The following TYW3 variants were observed in gnomAD, a reference collection of about 807,000 sequenced individuals.
TYW3 encodes tRNA-yW synthesizing protein 3 homolog, also known as tRNA wybutosine-synthesizing protein 3 homolog.
A neutral mutation model predicts 23.1 loss-of-function variants in TYW3; 26 were observed. That is an observed-to-expected ratio of 1.13 (90% confidence interval 0.83 to 1.56). The LOEUF is 1.56. Ranked by LOEUF, TYW3 falls within the 40% of genes most tolerant of loss-of-function variation. The pLI is 0.00. For missense variants in TYW3, 316 were observed against 311.9 expected (o/e 1.01, Z -0.10); for synonymous variants, 102 against 105.7 (o/e 0.97, Z 0.21).
intron 3 of TYW3, among the ~76,000 whole-genome samples, chr1:74,742,336 C>A (rs1045879212): frequency 1.3e-5 from 2 of 152,198 alleles, no homozygotes; most frequent in Admixed American, 6.5e-5. Context: ...TTTCAATACC[C>A]ATGTGAACAG....
At chr1:74,747,578 T>A (rs1195915174) in intron 3 of TYW3, among the ~76,000 whole-genome samples, 21 of 144,794 alleles carry the variant, frequency 1.5e-4, no homozygotes, top group South Asian at 2.2e-4. Context: ...CGGAGCTTGC[T>A]GTGAGCCGAG....
At chr1:74,758,086 TGA>T (rs1387884178) in intron 5 of TYW3, among the ~76,000 whole-genome samples, 4 of 152,250 alleles carry the variant, frequency 2.6e-5, no homozygotes, top group Admixed American at 1.3e-4. Flanking sequence ...ACCTAGAAGA[TGA>T]GAGAGTAAGA....
At chr1:74,734,780 G>A (rs1318962886) in intron 1 of TYW3, among the ~76,000 whole-genome samples, 1 of 152,168 alleles carries the variant, frequency 6.6e-6, no homozygotes, top group Non-Finnish European at 1.5e-5. Context: ...CTGCTTTATA[G>A]GGATTTTGTG....
At chr1:74,752,808 AC>A (rs1231896507) in intron 5 of TYW3, among the ~76,000 whole-genome samples, 1 of 152,192 alleles carries the variant, frequency 6.6e-6, no homozygotes, top group African/African-American at 2.4e-5. Flanking sequence ...ATCAGAGATT[AC>A]CTAGTCTTTC....
At position 74,733,353 on chromosome 1, in the gene TYW3, C is replaced by G. The variant is rs1293184467; in HGVS notation, c.109C>G (p.Leu37Val). The G allele has an allele frequency of 1.9e-6, 3 of 1,614,226 alleles. No homozygotes were observed. The highest frequency in any genetic ancestry group is 2.5e-6 in the Non-Finnish European group (3 of 1,180,044). Residue 37 changes from leucine (L) to valine (V), a missense_variant, in exon 1 of 6, where the codon CTG (leucine) becomes GTG (valine). Transcript: ENST00000370867. Reference protein sequence around the residue: ...DEDVVELVQFLNMRDQFFTTS... With the variant: ...DEDVVELVQFVNMRDQFFTTS... ...GGATGTGGTAGAGCTTGTGCAGTTT[C>G]TGAACATGCGAGATCAGTTTTTCAC...
chr1:74,765,591 A>G lies in TYW3; in HGVS notation c.*1478A>G, dbSNP rs891251156. The G allele has an allele frequency of 6.6e-6, 1 of 152,122 alleles. No homozygotes were observed. The highest frequency in any genetic ancestry group is 2.4e-5 in the African/African-American group (1 of 41,436). The allele number at this position is 152,122 out of a possible 1,614,324, so 9.4% of individuals were successfully genotyped here. On this transcript the variant is annotated 3_prime_UTR_variant, in exon 6 of 6. Coordinates refer to ENST00000370867, the MANE Select transcript of TYW3 (RefSeq NM_138467.3). ...TCTAGTCTGGTGGACAGAATATGAA[A>G]GTATCTGCCTGGCAGTGCAGTAAAT...
chr1:74,754,493 G>T (rs765589700), intron 5 of TYW3, among the ~76,000 whole-genome samples: 25 of 152,102 alleles, frequency 1.6e-4, no homozygotes, highest in Admixed American at 3.3e-4. Context: ...TCAACCAAAT[G>T]CAGTGAAAGA....
At chr1:74,747,793 GTACA>G (rs1648627875) in intron 3 of TYW3, among the ~76,000 whole-genome samples, 1 of 150,390 alleles carries the variant, frequency 6.6e-6, no homozygotes, top group African/African-American at 2.4e-5. Flanking sequence ...ATACACATGT[GTACA>G]TATATATGTG....
intron 5 of TYW3, among the ~76,000 whole-genome samples, chr1:74,763,418 T>C (rs1432872649): frequency 6.6e-6 from 1 of 152,150 alleles, no homozygotes; most frequent in Non-Finnish European, 1.5e-5. Flanking sequence ...ATGTAAAACT[T>C]TATATGTAAT....
At chr1:74,757,891 T>A (rs535922369) in intron 5 of TYW3, among the ~76,000 whole-genome samples, 1 of 152,320 alleles carries the variant, frequency 6.6e-6, no homozygotes, top group South Asian at 2.1e-4. Flanking sequence ...TCTTGTCTGC[T>A]GCCATGTGAG....
intron 5 of TYW3, among the ~76,000 whole-genome samples, chr1:74,760,016 T>C (rs971275687): frequency 6.6e-6 from 1 of 152,232 alleles, no homozygotes; most frequent in Non-Finnish European, 1.5e-5. Context: ...ATTCATAACA[T>C]AAGCAGTTGA....
At chr1:74,747,494 G>A (rs1033674015) in intron 3 of TYW3, among the ~76,000 whole-genome samples, 35 of 151,046 alleles carry the variant, frequency 2.3e-4, no homozygotes, top group East Asian at 2.0e-3. Flanking sequence ...AAAATTAGCT[G>A]GGCGTAGTGG....
chr1:74,748,641 A>T lies in TYW3; in HGVS notation c.355-110A>T, dbSNP rs181913949. On this transcript the variant is annotated intron_variant, in intron 3 of 5. Coordinates refer to ENST00000370867, the MANE Select transcript of TYW3 (RefSeq NM_138467.3). ...TATTGGCTAGACGAAAAATTTTTTT[A>T]AAAACCTTAATAGCTTTTAGGGTTA... The T allele has an allele frequency of 1.6e-3, 1,895 of 1,156,614 alleles. 27 individuals are homozygous for T. The African/African-American group carries it at 0.026, about 16-fold the overall frequency. 71.6% of individuals were successfully genotyped at this position (1,156,614 alleles called of 1,614,324 possible). A position where few individuals can be genotyped will look rare whatever the true frequency, so the allele number is the denominator to read the frequency against.
At chr1:74,762,691 C>T (rs528412947) in intron 5 of TYW3, among the ~76,000 whole-genome samples, 3 of 152,110 alleles carry the variant, frequency 2.0e-5, no homozygotes, top group Non-Finnish European at 2.9e-5. Flanking sequence ...CTGATAGCTA[C>T]AGGATAATAA....
intron 5 of TYW3, among the ~76,000 whole-genome samples, chr1:74,754,735 A>C (rs1648898928): frequency 1.3e-5 from 2 of 152,072 alleles, no homozygotes; most frequent in East Asian, 3.9e-4. Context: ...GTTCATGAGA[A>C]ACAATTCCTA....
rs1649313164 is a variant in TYW3 at position 74,766,520 on chromosome 1, T to C, written c.*2407T>C. On this transcript the variant is annotated 3_prime_UTR_variant, in exon 6 of 6. Transcript: ENST00000370867. ...TAAAAAAAATATATAAAAAAGCTTA[T>C]AGAATAAGGATATAAAGAAATATTT... The C allele has an allele frequency of 6.6e-6, 1 of 152,130 alleles. No individual in the cohort carries two copies. The highest frequency in any genetic ancestry group is 2.4e-5 in the African/African-American group (1 of 41,430). The allele number at this position is 152,130 out of a possible 1,614,324, so 9.4% of individuals were successfully genotyped here.
chr1:74,745,448 A>G (rs879496343), intron 3 of TYW3, among the ~76,000 whole-genome samples: 1 of 152,016 alleles, frequency 6.6e-6, no homozygotes, highest in Non-Finnish European at 1.5e-5. Flanking sequence ...ACAATCCTTT[A>G]GCTAGACACA....
chr1:74,752,504 T>G, intron 5 of TYW3, 79 bp downstream of exon 5: 1 of 1,250,732 alleles, frequency 8.0e-7, no homozygotes, highest in East Asian at 2.4e-5. Context: ...CTATCTTCAG[T>G]TTATAATGCC....
chr1:74,733,369 A>C lies in TYW3; in HGVS notation c.125A>C (p.Gln42Pro). 6.2e-7 allele frequency: 1 copy of C among 1,614,206 alleles called. No individual in the cohort carries two copies. Among genetic ancestry groups the C allele is most frequent in the East Asian group, 2.2e-5 (1 of 44,882 alleles). ...ELVQFLNMRDQFFTTSSCAGR... is the reference protein window; with the variant it reads ...ELVQFLNMRDPFFTTSSCAGR... ...GTGCAGTTTCTGAACATGCGAGATC[A>C]GTTTTTCACCACCAGCTCCTGCGCT... The change falls in exon 1 of 6, where the codon CAG becomes CCG. Residue 42 changes from glutamine to proline, a missense_variant. By Grantham distance (76) the Gln-to-Pro change is moderately conservative. Coordinates refer to ENST00000370867, the MANE Select transcript of TYW3 (RefSeq NM_138467.3).
Sources: allele counts gnomAD v4.1 joint callset (sites outside exome capture counted in the v4.1 genomes callset), GRCh38; gene constraint gnomAD v4.1.1; transcripts MANE v1.5; gene names NCBI Gene and HGNC (gene_info 2026-07-23, HGNC 2026-07-21).